Variants in KIRREL3 observed in about 807,000 individuals in gnomAD.
KIRREL3 encodes the protein kirre like nephrin family adhesion molecule 3.
A neutral mutation model predicts 89.7 loss-of-function variants in KIRREL3; 36 were observed. The ratio of observed to expected loss-of-function variants is 0.40; its 90% CI spans 0.31 to 0.53. The LOEUF (loss-of-function observed/expected upper bound fraction) is 0.53. Ranked by LOEUF, KIRREL3 falls within the 20% of genes least tolerant of loss-of-function variation. The pLI, the probability that KIRREL3 is intolerant of heterozygous loss-of-function variation, is 0.49. For synonymous variants in KIRREL3, 445 were observed against 441.4 expected, an observed-to-expected ratio of 1.01 and a Z score of -0.10; for missense variants, 864 against 1,056.6, an observed-to-expected ratio of 0.82 and a Z score of 2.53.
chr11:126,642,560 G>A lies in KIRREL3; in HGVS notation c.56-79648C>T, dbSNP rs950389859. Among the ~76,000 whole-genome samples, 3 of 152,168 alleles carry A rather than the reference G, an allele frequency of 2.0e-5. No homozygotes were observed. Among genetic ancestry groups the A allele is most frequent in the South Asian group, 2.1e-4 (1 of 4,824 alleles). On this transcript the variant is annotated intron_variant, in intron 1 of 16. Coordinates refer to ENST00000525144, the MANE Select transcript of KIRREL3 (RefSeq NM_032531.4). This position sits in a 1 kb window ranked among gnomAD's most constrained non-coding sequence, Gnocchi z 4.9. ...CAAACTCTTACTCTAGGAAATACAT[G>A]TTTGATTTTCTTGGGTGACCACCAT...
intron 1 of KIRREL3, among the ~76,000 whole-genome samples, chr11:126,779,704 G>A (rs1169260213): frequency 6.6e-6 from 1 of 152,074 alleles, no homozygotes; most frequent in Non-Finnish European, 1.5e-5. Context: ...AAATTATAAT[G>A]TCCTTCCTCT....
At chr11:126,613,894 A>ATT (rs66779566) in intron 1 of KIRREL3, among the ~76,000 whole-genome samples, 5 of 85,000 alleles carry the variant, frequency 5.9e-5, no homozygotes, top group Admixed American at 5.2e-4. Flanking sequence ...TTTTTTTTTT[A>ATT]TTTTTTTCCC....
intron 1 of KIRREL3, among the ~76,000 whole-genome samples, chr11:126,820,122 G>GA (rs1391155927): frequency 2.0e-5 from 3 of 152,162 alleles, no homozygotes; most frequent in African/African-American, 4.8e-5. Flanking sequence ...GAACAGAGCA[G>GA]AAAAATCCCC....
At position 126,431,265 on chromosome 11, in the gene KIRREL3, C is replaced by A; in HGVS notation, c.1696+154G>T. 1.3e-6 allele frequency: 2 copies of A among 1,543,732 alleles called. No individual in the cohort carries two copies. The highest frequency in any genetic ancestry group is 2.4e-5 in the South Asian group (2 of 83,500). Reference sequence around the variant, plus strand: ...GCGCCATGTTGCCCAGGCTCACATACACCGATGCATCAGACCCACTCCCTG... The same window carrying A: ...GCGCCATGTTGCCCAGGCTCACATAAACCGATGCATCAGACCCACTCCCTG... On this transcript the variant is annotated intron_variant, in intron 14 of 16. Transcript: ENST00000525144. The surrounding 1 kb of genome is among the most constrained non-coding windows in gnomAD (Gnocchi z 7.1).
rs397817618 is a variant in KIRREL3 at position 126,940,407 on chromosome 11, A to AG, written c.55+60047dup. ...GCTATGCCGCCCTAGATTATGAAAA[A>AG]GTATAATTATATGCAATTAAAAAAT... is the stretch of plus-strand genomic sequence containing the variant. On this transcript the variant is annotated intron_variant, in intron 1 of 16. Coordinates refer to ENST00000525144, the MANE Select transcript of KIRREL3 (RefSeq NM_032531.4). The surrounding 1 kb of genome is among the most constrained non-coding windows in gnomAD (Gnocchi z 4.6). The AG allele has an allele frequency of 6.6e-6, 1 of 151,652 alleles. No individual in the cohort carries two copies. The highest frequency in any genetic ancestry group is 1.5e-5 in the Non-Finnish European group (1 of 67,892). The allele number at this position is 151,652 out of a possible 1,614,324, so 9.4% of individuals were successfully genotyped here. A position where few individuals can be genotyped will look rare whatever the true frequency, so the allele number is the denominator to read the frequency against.
chr11:126,820,315 A>AG (rs375662020), intron 1 of KIRREL3, among the ~76,000 whole-genome samples: 6,216 of 150,646 alleles, frequency 0.041, 206 homozygotes, highest in Non-Finnish European at 0.059. Context: ...AAGCCTTTAA[A>AG]AAAAAAGTAA....
Position 126,515,738 on chromosome 11 carries a change from C to G in KIRREL3, c.433+5577G>C, listed in dbSNP as rs968507893. On this transcript the variant is annotated intron_variant, in intron 4 of 16. Coordinates refer to ENST00000525144, the MANE Select transcript of KIRREL3 (RefSeq NM_032531.4). This position sits in a 1 kb window ranked among gnomAD's most constrained non-coding sequence, Gnocchi z 4.2. ...ACAGCTGGGGGCTGGCCTCGGGGGG[C>G]CTTGTGTGGCCTGGCAGGGAGCTTG... Among the ~76,000 whole-genome samples the G allele has an allele frequency of 1.3e-5, 2 of 152,016 alleles. No individual in the cohort carries two copies. The highest frequency in any genetic ancestry group is 1.5e-5 in the Non-Finnish European group (1 of 68,020).
At chr11:126,560,664 C>A (rs947597281) in intron 2 of KIRREL3, among the ~76,000 whole-genome samples, 4 of 152,328 alleles carry the variant, frequency 2.6e-5, no homozygotes, top group African/African-American at 9.6e-5. Flanking sequence ...CCCTGGGTGA[C>A]AGGCACCTTA....
intron 13 of KIRREL3, among the ~76,000 whole-genome samples, chr11:126,433,946 C>A (rs1955226329): frequency 6.6e-6 from 1 of 152,238 alleles, no homozygotes; most frequent in Non-Finnish European, 1.5e-5. Context: ...CCTGGGATCC[C>A]CAGCCCACGT....
intron 1 of KIRREL3, among the ~76,000 whole-genome samples, chr11:126,911,721 C>T (rs562792038): frequency 2.0e-5 from 3 of 152,030 alleles, no homozygotes; most frequent in South Asian, 2.1e-4. Context: ...CGGTGGCTCA[C>T]GCCTGTAATC....
chr11:126,916,969 C>T (rs2134948734), intron 1 of KIRREL3, among the ~76,000 whole-genome samples: 1 of 152,302 alleles, frequency 6.6e-6, no homozygotes, highest in Admixed American at 6.5e-5. Flanking sequence ...GACAGTTGGT[C>T]ACCCTATACA....
Position 126,606,370 on chromosome 11 carries a change from G to A in KIRREL3, c.56-43458C>T, listed in dbSNP as rs537850324. ...TTTCTGTGTTTCAGTTTCCAAGTCT[G>A]TAAAATACGGGGAAATAATACCTAA... On this transcript the variant is annotated intron_variant, in intron 1 of 16. Transcript: ENST00000525144. This position sits in a 1 kb window ranked among gnomAD's most constrained non-coding sequence, Gnocchi z 4.6. Among the ~76,000 whole-genome samples the A allele has an allele frequency of 2.6e-4, 40 of 152,292 alleles. No individual in the cohort carries two copies. Among genetic ancestry groups the A allele is most frequent in the African/African-American group, 9.6e-4 (40 of 41,562 alleles).
rs1208650559 is a variant in KIRREL3, at chr11:126,519,477, G to A, written c.433+1838C>T. ...CTTTTAATACGTTGGACTTTTTTAC[G>A]TAACGTAGAGTTGAGAGGAAAGGAA... On this transcript the variant is annotated intron_variant, in intron 4 of 16. Transcript: ENST00000525144. The surrounding 1 kb of genome is among the most constrained non-coding windows in gnomAD (Gnocchi z 4.3). Among the ~76,000 whole-genome samples the A allele has an allele frequency of 3.3e-5, 5 of 152,138 alleles. No individual in the cohort carries two copies. The highest frequency in any genetic ancestry group is 1.9e-4 in the East Asian group (1 of 5,194).
intron 1 of KIRREL3, among the ~76,000 whole-genome samples, chr11:126,836,848 C>T (rs1020625153): frequency 9.2e-5 from 14 of 152,142 alleles, no homozygotes; most frequent in South Asian, 2.1e-4. Flanking sequence ...CACAGATGTT[C>T]GCATGACATC....
rs1021400640 is a variant in KIRREL3 at position 126,431,668 on chromosome 11, C to T, written c.1589-142G>A. On this transcript the variant is annotated intron_variant, in intron 13 of 16. Transcript: ENST00000525144. The surrounding 1 kb of genome is among the most constrained non-coding windows in gnomAD (Gnocchi z 7.1). Reference sequence around the variant, plus strand: ...TGCCTCAGTGGGGCCTGGGCAGGCACAGGCCGAGTCCAACTGGGGTCAGCT... The same window carrying T: ...TGCCTCAGTGGGGCCTGGGCAGGCATAGGCCGAGTCCAACTGGGGTCAGCT... 2 of 798,484 alleles carry T rather than the reference C, an allele frequency of 2.5e-6. No individual in the cohort carries two copies. Among genetic ancestry groups the T allele is most frequent in the Non-Finnish European group, 4.0e-6 (2 of 497,722 alleles). 49.5% of individuals were successfully genotyped at this position (798,484 alleles called of 1,614,324 possible). A position where few individuals can be genotyped will look rare whatever the true frequency, so the allele number is the denominator to read the frequency against.
At position 126,776,326 on chromosome 11, in the gene KIRREL3, A is replaced by G. The variant is rs933110823; in HGVS notation, c.56-213414T>C. Among the ~76,000 whole-genome samples the G allele has an allele frequency of 6.6e-6, 1 of 152,204 alleles. No individual in the cohort carries two copies. Among genetic ancestry groups the G allele is most frequent in the Non-Finnish European group, 1.5e-5 (1 of 68,034 alleles). On this transcript the variant is annotated intron_variant, in intron 1 of 16. Transcript: ENST00000525144. This position sits in a 1 kb window ranked among gnomAD's most constrained non-coding sequence, Gnocchi z 4.7. ...TTTGCTGAAGTGCCATGGAGGGAAC[A>G]CTAGCCTGAGAGTCAAAACACCTGG...
chr11:126,707,119 A>G (rs1947558572), intron 1 of KIRREL3, among the ~76,000 whole-genome samples: 2 of 151,806 alleles, frequency 1.3e-5, no homozygotes, highest in Non-Finnish European at 2.9e-5. Flanking sequence ...ACATTGGCTA[A>G]TTTTTAAATT....
At position 126,553,938 on chromosome 11, in the gene KIRREL3, T is replaced by C. The variant is rs73634669; in HGVS notation, c.133+8897A>G. 0.04 allele frequency among the ~76,000 whole-genome samples: 6,020 copies of C among 152,244 alleles called. 297 individuals are homozygous for C. The highest frequency in any genetic ancestry group is 0.12 in the African/African-American group (4,821 of 41,518). On this transcript the variant is annotated intron_variant, in intron 2 of 16. Transcript: ENST00000525144. The surrounding 1 kb of genome is among the most constrained non-coding windows in gnomAD (Gnocchi z 4.7). ...TCAAAGTAGTAACCTTCGAAACAGG[T>C]TGGTGTCCATTCACATTGGAACTGC...
In KIRREL3 at chr11:126,701,385, G is replaced by A. The variant is rs180685398; in HGVS notation, c.56-138473C>T. 3.0e-3 allele frequency among the ~76,000 whole-genome samples: 461 copies of A among 152,140 alleles called. 8 individuals carry two copies. Among genetic ancestry groups the A allele is most frequent in the Non-Finnish European group, 1.0e-3 (69 of 68,010 alleles). ...CTCAGTCTTGGTGAGAGAGGGAGTG[G>A]GGACTGTGTTCACGCTGTTACAAAA... On this transcript the variant is annotated intron_variant, in intron 1 of 16. Transcript: ENST00000525144.
Sources: gnomAD v4.1 joint callset for allele counts (sites outside exome capture counted in the v4.1 genomes callset) on GRCh38, gnomAD v4.1.1 for gene constraint, Gnocchi (gnomAD v3.1) non-coding constraint, MANE v1.5 for transcripts, NCBI Gene and HGNC (gene_info 2026-07-23, HGNC 2026-07-21) for gene names.